The following GNG7 variants were observed in gnomAD, a reference collection of about 807,000 sequenced individuals.
The protein encoded by GNG7 is guanine nucleotide-binding protein G(I)/G(S)/G(O) subunit gamma-7.
A neutral mutation model predicts 4.0 loss-of-function variants in GNG7; 1 was observed. The observed-to-expected ratio is 0.25, with a 90% CI of 0.09 to 1.18. The LOEUF is 1.18. Among genes scored for constraint, GNG7 ranks in the 50% most tolerant of loss-of-function variants. GNG7 has a pLI of 0.50. For missense variants in GNG7, 86 were observed against 91.9 expected, an observed-to-expected ratio of 0.94 and a Z score of 0.26; for synonymous variants, 34 against 36.9, an observed-to-expected ratio of 0.92 and a Z score of 0.29.
chr19:2,531,648 G>A (rs141495072), intron 3 of GNG7, among the ~76,000 whole-genome samples: 15,617 of 150,282 alleles, frequency 0.1, 874 homozygotes, highest in Middle Eastern at 0.17. Flanking sequence ...GCAGGCACCT[G>A]TAGTCCCAGC....
intron 2 of GNG7, among the ~76,000 whole-genome samples, chr19:2,558,250 G>T (rs369430452): frequency 7.3e-4 from 106 of 145,890 alleles, no homozygotes; most frequent in African/African-American, 1.4e-3. Flanking sequence ...TTTTGTTTTT[G>T]TTTTTTTTTT....
intron 2 of GNG7, among the ~76,000 whole-genome samples, chr19:2,620,634 G>C (rs1297654969): frequency 6.6e-6 from 1 of 152,154 alleles, no homozygotes; most frequent in African/African-American, 2.4e-5. Context: ...GGCCACCCTA[G>C]AGGGACCTAG....
intron 2 of GNG7, among the ~76,000 whole-genome samples, chr19:2,561,989 G>A (rs936256639): frequency 2.6e-5 from 4 of 152,280 alleles, no homozygotes; most frequent in African/African-American, 2.4e-5. Flanking sequence ...CGAGAAACAG[G>A]AAACCCTGTT....
At position 2,604,218 on chromosome 19, in the gene GNG7, C is replaced by T. The variant is rs1981304416; in HGVS notation, c.-78+42006G>A. Among the ~76,000 whole-genome samples the T allele has an allele frequency of 2.6e-5, 4 of 152,006 alleles. No homozygotes were observed. The South Asian group carries it at 8.3e-4, about 32-fold the overall frequency. ...AGGTGCAGCATAATATGCCCGTCTC[C>T]CAGCACTTTGGGAGGCCGAGGCAGG... On this transcript the variant is annotated intron_variant, in intron 2 of 4. Coordinates refer to ENST00000382159, the MANE Select transcript of GNG7 (RefSeq NM_052847.3).
At position 2,565,525 on chromosome 19, in the gene GNG7, C is replaced by A. The variant is rs199536714; in HGVS notation, c.-77-10337G>T. Among the ~76,000 whole-genome samples, 358 of 77,056 alleles carry A rather than the reference C, an allele frequency of 4.6e-3. 5 individuals carry two copies. Among genetic ancestry groups the A allele is most frequent in the Middle Eastern group, 8.9e-3 (1 of 112 alleles). 50.6% of individuals were successfully genotyped at this position (77,056 alleles called of 152,430 possible). A position where few individuals can be genotyped will look rare whatever the true frequency, so the allele number is the denominator to read the frequency against. On this transcript the variant is annotated intron_variant, in intron 2 of 4. Transcript: ENST00000382159. ...AGACTCTGTCTCAAAAAAAAAAAAA[C>A]AAAAACAAAAGCTGTTTGCGTCAAA...
At chr19:2,583,309 T>C (rs1237986433) in intron 2 of GNG7, among the ~76,000 whole-genome samples, 1 of 152,238 alleles carries the variant, frequency 6.6e-6, no homozygotes, top group Non-Finnish European at 1.5e-5. Flanking sequence ...CAAGCCAGTG[T>C]TACTTTTGTA....
rs796201878 is a variant in GNG7 at position 2,673,287 on chromosome 19, A to C, written c.-134-27007T>G. ...AAAAAACAAAACAAAACAAAACAAA[A>C]CAAAAAAAAACCCAGCAGGTCATCA... On this transcript the variant is annotated intron_variant, in intron 1 of 4. Transcript: ENST00000382159. Among the ~76,000 whole-genome samples, 70 of 149,654 alleles carry C rather than the reference A, an allele frequency of 4.7e-4. 1 individual carries two copies. The East Asian group carries it at 8.7e-3, about 19-fold the overall frequency.
intron 3 of GNG7, among the ~76,000 whole-genome samples, chr19:2,521,130 G>A (rs1289393661): frequency 1.3e-5 from 2 of 152,008 alleles, no homozygotes; most frequent in Middle Eastern, 3.4e-3. Context: ...GCCAGGCATG[G>A]TGGTGGGTGC....
chr19:2,634,228 G>A lies in GNG7; in HGVS notation c.-78+11996C>T, dbSNP rs1466898442. Among the ~76,000 whole-genome samples the A allele has an allele frequency of 1.3e-5, 2 of 152,162 alleles. No individual in the cohort carries two copies. Among genetic ancestry groups the A allele is most frequent in the Non-Finnish European group, 2.9e-5 (2 of 68,028 alleles). On this transcript the variant is annotated intron_variant, in intron 2 of 4. Coordinates refer to ENST00000382159, the MANE Select transcript of GNG7 (RefSeq NM_052847.3). The surrounding 1 kb of genome is among the most constrained non-coding windows in gnomAD (Gnocchi z 5.3). ...ATGAACCCAGAGTTTCTCCCCCTCA[G>A]CACTGTGGACATTTGAGGCCCGATT...
chr19:2,624,528 CA>C (rs921061279), intron 2 of GNG7, among the ~76,000 whole-genome samples: 1,884 of 62,452 alleles, frequency 0.03, 12 homozygotes, highest in South Asian at 0.063. Context: ...GACTCCGTCT[CA>C]AAAAAAAAAA....
rs758685998 is a variant in GNG7 at position 2,511,921 on chromosome 19, C to T, written c.*3101G>A. 1.6e-4 allele frequency: 153 copies of T among 986,032 alleles called. No individual in the cohort carries two copies. The highest frequency in any genetic ancestry group is 2.3e-4 in the East Asian group (2 of 8,820). The allele number at this position is 986,032 out of a possible 1,614,324, so 61.1% of individuals were successfully genotyped here. A position where few individuals can be genotyped will look rare whatever the true frequency, so the allele number is the denominator to read the frequency against. On this transcript the variant is annotated 3_prime_UTR_variant, in exon 5 of 5. Coordinates refer to ENST00000382159, the MANE Select transcript of GNG7 (RefSeq NM_052847.3). This position sits in a 1 kb window ranked among gnomAD's most constrained non-coding sequence, Gnocchi z 6.3. The stretch of plus-strand genomic sequence containing the variant: ...GAGGGCAGGGGAGGCGGAGCTGGTC[C>T]GGGAAGGTGCCCAGGTGGGTCACAA...
At chr19:2,566,561 G>A (rs886672518) in intron 2 of GNG7, among the ~76,000 whole-genome samples, 4 of 152,182 alleles carry the variant, frequency 2.6e-5, no homozygotes, top group Non-Finnish European at 4.4e-5. Context: ...ACCAGAACTG[G>A]GGCCACAGCA....
Position 2,557,920 on chromosome 19 carries a change from C to T in GNG7, c.-77-2732G>A, listed in dbSNP as rs1979616060. ...GCAGTAGTGCGATCTCGGCTCACTGCAACCTCTGCCTCCTGGGTACAAGCG... is the reference window on the plus strand; with the variant it reads ...GCAGTAGTGCGATCTCGGCTCACTGTAACCTCTGCCTCCTGGGTACAAGCG... On this transcript the variant is annotated intron_variant, in intron 2 of 4. Transcript: ENST00000382159. This position sits in a 1 kb window ranked among gnomAD's most constrained non-coding sequence, Gnocchi z 5.1. 6.6e-6 allele frequency among the ~76,000 whole-genome samples: 1 copy of T among 152,122 alleles called. No individual in the cohort carries two copies. The highest frequency in any genetic ancestry group is 2.4e-5 in the African/African-American group (1 of 41,418).
chr19:2,699,004 T>G (rs564441212), intron 1 of GNG7, among the ~76,000 whole-genome samples: 33 of 152,334 alleles, frequency 2.2e-4, no homozygotes, highest in African/African-American at 7.7e-4. Context: ...CGTTGGAAGC[T>G]TCACGTTCCA....
chr19:2,611,087 T>C lies in GNG7; in HGVS notation c.-78+35137A>G, dbSNP rs920520848. ...GGATGGCTTCCCTCTCGCAATCTGC[T>C]TTCTGGGAAGTGGGCCCCTCGCACC... On this transcript the variant is annotated intron_variant, in intron 2 of 4. Transcript: ENST00000382159. This position sits in a 1 kb window ranked among gnomAD's most constrained non-coding sequence, Gnocchi z 6.0. The C allele has an allele frequency of 6.6e-6, 1 of 152,166 alleles. No individual in the cohort carries two copies. The highest frequency in any genetic ancestry group is 6.5e-5 in the Admixed American group (1 of 15,268). The allele number at this position is 152,166 out of a possible 1,614,324, so 9.4% of individuals were successfully genotyped here.
chr19:2,524,426 T>A (rs186419860), intron 3 of GNG7, among the ~76,000 whole-genome samples: 1 of 152,164 alleles, frequency 6.6e-6, no homozygotes, highest in African/African-American at 2.4e-5. Flanking sequence ...TGTGCACATG[T>A]GTATGTGTGT....
intron 3 of GNG7, among the ~76,000 whole-genome samples, chr19:2,534,806 G>T (rs1315008698): frequency 6.6e-6 from 1 of 152,232 alleles, no homozygotes; most frequent in African/African-American, 2.4e-5. Context: ...GTTTCCACTG[G>T]AGTCCAAAGG....
chr19:2,598,975 A>C (rs1488794465), intron 2 of GNG7, among the ~76,000 whole-genome samples: 1 of 152,202 alleles, frequency 6.6e-6, no homozygotes, highest in African/African-American at 2.4e-5. Context: ...CCAAAATTGG[A>C]AAGTGAAGTT....
rs1237455612 is a variant in GNG7, at chr19:2,522,669, G to A, written c.-37-1944C>T. On this transcript the variant is annotated intron_variant, in intron 3 of 4. Coordinates refer to ENST00000382159, the MANE Select transcript of GNG7 (RefSeq NM_052847.3). ...CGGGAGGCTGAGGCAGGAGAATGGG[G>A]TGAACCCGGAAGGCGGAGCTTGCAG... Among the ~76,000 whole-genome samples the A allele has an allele frequency of 4.1e-5, 6 of 146,384 alleles. No homozygotes were observed. The East Asian group carries it at 1.1e-3, about 26-fold the overall frequency.
Sources: gnomAD v4.1 joint callset for allele counts (sites outside exome capture counted in the v4.1 genomes callset) on GRCh38, gnomAD v4.1.1 for gene constraint, Gnocchi (gnomAD v3.1) non-coding constraint, MANE v1.5 for transcripts, NCBI Gene and HGNC (gene_info 2026-07-23, HGNC 2026-07-21) for gene names.